Variants in FARS2 observed in about 807,000 individuals in gnomAD.
The protein encoded by FARS2 is phenylalanine--tRNA ligase, mitochondrial.
A neutral mutation model predicts 46.4 loss-of-function variants in FARS2; 40 were observed. That is an observed-to-expected ratio of 0.86 (90% CI 0.67 to 1.12). FARS2 has a LOEUF of 1.12. FARS2 is among the 50% of genes most tolerant of loss of function. FARS2 has a pLI of 0.00. For synonymous variants in FARS2, 234 were observed against 214.9 expected, an observed-to-expected ratio of 1.09 and a Z score of -0.78; for missense variants, 513 against 567.9, an observed-to-expected ratio of 0.90 and a Z score of 0.98.
chr6:5,574,877 T>G (rs891282091), intron 5 of FARS2, among the ~76,000 whole-genome samples: 7 of 152,158 alleles, frequency 4.6e-5, no homozygotes, highest in Non-Finnish European at 1.0e-4. Flanking sequence ...TAGTTGGCCC[T>G]GTGGAACCTG....
chr6:5,614,822 C>G (rs921298004), intron 6 of FARS2, among the ~76,000 whole-genome samples: 1 of 152,198 alleles, frequency 6.6e-6, no homozygotes, highest in Non-Finnish European at 1.5e-5. Context: ...GAATTTTGCT[C>G]AACAACTTGT....
At position 5,285,413 on chromosome 6, in the gene FARS2, T is replaced by C. The variant is rs1581692542; in HGVS notation, c.-22+23753T>C. On this transcript the variant is annotated intron_variant, in intron 1 of 6. Coordinates refer to ENST00000274680, the MANE Select transcript of FARS2 (RefSeq NM_006567.5). ...AGTGGGGTTTGGTTCTTGAGGAGAATAGACATTTTAAGTCCTCTGAACATT... is the reference window on the plus strand; with the variant it reads ...AGTGGGGTTTGGTTCTTGAGGAGAACAGACATTTTAAGTCCTCTGAACATT... Among the ~76,000 whole-genome samples the C allele has an allele frequency of 2.0e-5, 3 of 152,238 alleles. No individual in the cohort carries two copies. In the East Asian group the frequency reaches 5.8e-4, roughly 29 times the overall value.
intron 4 of FARS2, among the ~76,000 whole-genome samples, chr6:5,522,605 C>T (rs1255150930): frequency 6.6e-6 from 1 of 152,342 alleles, no homozygotes; most frequent in South Asian, 2.1e-4. Flanking sequence ...TATTTTTATC[C>T]ATCGCTATTC....
rs370404201 is a variant in FARS2, at chr6:5,684,312, G to C, written c.1217+70992G>C. ...CCCCGGCCCCTCACCTGGTTCTGCC[G>C]CACGCCCATCACCTGCCCAGCCCTG... On this transcript the variant is annotated intron_variant, in intron 6 of 6. Coordinates refer to ENST00000274680, the MANE Select transcript of FARS2 (RefSeq NM_006567.5). Among the ~76,000 whole-genome samples, 57 of 152,128 alleles carry C rather than the reference G, an allele frequency of 3.7e-4. 1 individual carries two copies. The South Asian group carries it at 0.012, about 32-fold the overall frequency.
chr6:5,736,682 A>ATTTT (rs1561830024), intron 6 of FARS2, among the ~76,000 whole-genome samples: 13 of 151,746 alleles, frequency 8.6e-5, no homozygotes, highest in African/African-American at 2.7e-4. Flanking sequence ...TTTTTTTTAA[A>ATTTT]AAATTGCATG....
At chr6:5,544,247 C>T (rs922031804) in intron 4 of FARS2, among the ~76,000 whole-genome samples, 9 of 152,116 alleles carry the variant, frequency 5.9e-5, no homozygotes, top group African/African-American at 2.2e-4. Flanking sequence ...AAGATGGAGT[C>T]CTAGATAAAA....
intron 1 of FARS2, among the ~76,000 whole-genome samples, chr6:5,360,278 A>G (rs920019358): frequency 6.6e-6 from 1 of 152,196 alleles, no homozygotes; most frequent in African/African-American, 2.4e-5. Flanking sequence ...TAAGGGAGCC[A>G]TTCATTCATT....
chr6:5,561,240 A>G (rs1338152926), intron 5 of FARS2, among the ~76,000 whole-genome samples: 1 of 152,208 alleles, frequency 6.6e-6, no homozygotes, highest in African/African-American at 2.4e-5. Context: ...ACAGTTAAGC[A>G]TAATTATTAA....
At position 5,559,975 on chromosome 6, in the gene FARS2, T is replaced by C. The variant is rs367868754; in HGVS notation, c.1065+14635T>C. Reference sequence around the variant, plus strand: ...AAACTTGACCCCATATTTATAATTGTTCAAAAATGAATTCCAGGGGGTTTG... The same window carrying C: ...AAACTTGACCCCATATTTATAATTGCTCAAAAATGAATTCCAGGGGGTTTG... On this transcript the variant is annotated intron_variant, in intron 5 of 6. Coordinates refer to ENST00000274680, the MANE Select transcript of FARS2 (RefSeq NM_006567.5). Among the ~76,000 whole-genome samples, 62 of 152,268 alleles carry C rather than the reference T, an allele frequency of 4.1e-4. 1 individual carries two copies. Among genetic ancestry groups the C allele is most frequent in the African/African-American group, 1.4e-3 (58 of 41,524 alleles).
At chr6:5,716,487 G>A (rs1759499063) in intron 6 of FARS2, among the ~76,000 whole-genome samples, 1 of 152,130 alleles carries the variant, frequency 6.6e-6, no homozygotes, top group African/African-American at 2.4e-5. Flanking sequence ...GGACTTCTGT[G>A]GCCAGATGTA....
At chr6:5,366,847 T>G (rs186203670) in intron 1 of FARS2, among the ~76,000 whole-genome samples, 1 of 152,206 alleles carries the variant, frequency 6.6e-6, no homozygotes, top group South Asian at 2.1e-4. Context: ...ACCTAACAGT[T>G]TGATTTTGTG....
At chr6:5,448,685 G>C (rs1764314610) in intron 4 of FARS2, among the ~76,000 whole-genome samples, 1 of 152,192 alleles carries the variant, frequency 6.6e-6, no homozygotes, top group Non-Finnish European at 1.5e-5. Context: ...CATTTTGCGT[G>C]CAAGTACATT....
chr6:5,502,547 G>T (rs1405377364), intron 4 of FARS2, among the ~76,000 whole-genome samples: 2 of 152,166 alleles, frequency 1.3e-5, no homozygotes, highest in Admixed American at 6.5e-5. Flanking sequence ...ATAAAAGTCA[G>T]AACAGTATCA....
chr6:5,357,967 G>C (rs1424732837), intron 1 of FARS2, among the ~76,000 whole-genome samples: 1 of 152,194 alleles, frequency 6.6e-6, no homozygotes, highest in Non-Finnish European at 1.5e-5. Flanking sequence ...CTTACTAATT[G>C]TGAGTGTAAA....
chr6:5,738,039 T>C (rs116296427), intron 6 of FARS2, among the ~76,000 whole-genome samples: 7,834 of 152,272 alleles, frequency 0.051, 674 homozygotes, highest in African/African-American at 0.18. Flanking sequence ...TGATCTTGAA[T>C]TCTTAGGCTC....
intron 3 of FARS2, among the ~76,000 whole-genome samples, chr6:5,426,177 A>T (rs952064143): frequency 5.3e-5 from 8 of 151,984 alleles, no homozygotes; most frequent in African/African-American, 1.9e-4. Flanking sequence ...AGACACAAGG[A>T]AATAGGAAAA....
At chr6:5,474,663 G>GTTT (rs760857089) in intron 4 of FARS2, among the ~76,000 whole-genome samples, 1,371 of 133,888 alleles carry the variant, frequency 0.01, 50 homozygotes, top group African/African-American at 0.029. Context: ...ATACAGTACT[G>GTTT]TTTTTTTTTT....
intron 3 of FARS2, among the ~76,000 whole-genome samples, chr6:5,422,157 G>A (rs554405247): frequency 1.1e-3 from 161 of 152,166 alleles, no homozygotes; most frequent in African/African-American, 3.8e-3. Flanking sequence ...GCTTGTGCAG[G>A]GAAACTCCTG....
At chr6:5,761,198 A>AT (rs1362636609) in intron 6 of FARS2, among the ~76,000 whole-genome samples, 2 of 152,180 alleles carry the variant, frequency 1.3e-5, no homozygotes, top group South Asian at 2.1e-4. Flanking sequence ...TCTATGGTCC[A>AT]TGCCATTTAT....
Sources: gnomAD v4.1 joint callset for allele counts (sites outside exome capture counted in the v4.1 genomes callset) on GRCh38, gnomAD v4.1.1 for gene constraint, MANE v1.5 for transcripts, NCBI Gene and HGNC (gene_info 2026-07-23, HGNC 2026-07-21) for gene names.